GPR39: variants seen among roughly 807,000 people sequenced by gnomAD.
GPR39 encodes the protein G protein-coupled receptor 39, also known as zinc sensing receptor.
GPR39 carries 23 observed loss-of-function variants against 18.4 expected under a neutral mutation model. That is an observed-to-expected ratio of 1.25 (90% CI 0.90 to 1.77). GPR39 has a LOEUF of 1.77. Ranked by LOEUF, GPR39 falls within the 40% of genes most tolerant of loss-of-function variation. GPR39 has a pLI of 0.00. For missense variants in GPR39, 647 were observed against 602.4 expected (o/e 1.07, Z -0.78); for synonymous variants, 280 against 257.9 (o/e 1.09, Z -0.82).
chr2:132,432,516 C>T (rs1411520553), intron 1 of GPR39, among the ~76,000 whole-genome samples: 6 of 152,158 alleles, frequency 3.9e-5, no homozygotes, highest in African/African-American at 1.4e-4. Context: ...CTGATGAAAT[C>T]TAGGGCCTAC....
rs1679911463 is a variant in GPR39, at chr2:132,416,940, G to T, written c.-103G>T. 7.3e-7 allele frequency: 1 copy of T among 1,371,882 alleles called. No homozygotes were observed. Among genetic ancestry groups the T allele is most frequent in the African/African-American group, 1.4e-5 (1 of 69,302 alleles). 85.0% of individuals were successfully genotyped at this position (1,371,882 alleles called of 1,614,324 possible). A position where few individuals can be genotyped will look rare whatever the true frequency, so the allele number is the denominator to read the frequency against. On this transcript the variant is annotated 5_prime_UTR_variant, in exon 1 of 2. Coordinates refer to ENST00000329321, the MANE Select transcript of GPR39 (RefSeq NM_001508.3). ...GAGAACTCGAGTGAGATAAAATCGT[G>T]CGCCCACGCAGGTGAGTTTGCAGCC...
At chr2:132,606,631 A>G (rs1212073977) in intron 1 of GPR39, among the ~76,000 whole-genome samples, 1 of 152,238 alleles carries the variant, frequency 6.6e-6, no homozygotes, top group African/African-American at 2.4e-5. Flanking sequence ...GTGTTAGTTC[A>G]GTTAGATCCT....
intron 1 of GPR39, among the ~76,000 whole-genome samples, chr2:132,568,936 G>A (rs1680396148): frequency 6.6e-6 from 1 of 152,084 alleles, no homozygotes; most frequent in Non-Finnish European, 1.5e-5. Context: ...GAGGGCTTTG[G>A]GCAGTGAACG....
At chr2:132,577,503 T>C (rs1680550460) in intron 1 of GPR39, among the ~76,000 whole-genome samples, 2 of 152,178 alleles carry the variant, frequency 1.3e-5, no homozygotes, top group African/African-American at 4.8e-5. Context: ...CTGTACTATA[T>C]TGAGTCTTAT....
chr2:132,437,627 A>C (rs1174345020), intron 1 of GPR39, among the ~76,000 whole-genome samples: 1 of 152,268 alleles, frequency 6.6e-6, no homozygotes, highest in African/African-American at 2.4e-5. Flanking sequence ...GCCAGCCTCC[A>C]TGGGCTTCAG....
intron 1 of GPR39, among the ~76,000 whole-genome samples, chr2:132,558,946 C>T (rs1558839198): frequency 6.6e-6 from 1 of 152,124 alleles, no homozygotes; most frequent in Non-Finnish European, 1.5e-5. Flanking sequence ...TTATTAAGCA[C>T]TAACTGTGTG....
At chr2:132,632,536 CAGCTGGCTGGGG>C (rs1384112637) in intron 1 of GPR39, among the ~76,000 whole-genome samples, 1 of 152,150 alleles carries the variant, frequency 6.6e-6, no homozygotes, top group African/African-American at 2.4e-5. Flanking sequence ...CCAGACAAAG[CAGCTGGCTGGGG>C]CTGTGTGTTT....
rs773317683 is a variant in GPR39 at position 132,541,082 on chromosome 2, A to C, written c.857-104019A>C. ...AAGGAGACCTGGGCTTTTTCTTCTT[A>C]TTATTGTTATTATTTTTTTGAGATG... On this transcript the variant is annotated intron_variant, in intron 1 of 1. Transcript: ENST00000329321. Among the ~76,000 whole-genome samples, 14 of 151,524 alleles carry C rather than the reference A, an allele frequency of 9.2e-5. No individual in the cohort carries two copies. In the East Asian group the frequency reaches 2.0e-3, roughly 21 times the overall value.
intron 1 of GPR39, among the ~76,000 whole-genome samples, chr2:132,456,303 GC>G (rs1410642068): frequency 3.2e-5 from 1 of 31,398 alleles, no homozygotes; most frequent in Non-Finnish European, 7.1e-5. Flanking sequence ...TGCAACCCCT[GC>G]TTTTTTTTTT....
intron 1 of GPR39, among the ~76,000 whole-genome samples, chr2:132,586,596 G>A (rs979516063): frequency 9.2e-5 from 14 of 152,186 alleles, no homozygotes; most frequent in African/African-American, 3.4e-4. Flanking sequence ...ATAGAGATGG[G>A]TTAGGATGTA....
chr2:132,512,130 G>A (rs1679252984), intron 1 of GPR39, among the ~76,000 whole-genome samples: 1 of 152,194 alleles, frequency 6.6e-6, no homozygotes, highest in Non-Finnish European at 1.5e-5. Flanking sequence ...AGGGCTAAGA[G>A]TATAACTTGG....
chr2:132,558,524 C>G (rs1462084499), intron 1 of GPR39, among the ~76,000 whole-genome samples: 3 of 152,144 alleles, frequency 2.0e-5, no homozygotes, highest in African/African-American at 7.2e-5. Context: ...CTTTCTGACA[C>G]AATGTAACTG....
intron 1 of GPR39, among the ~76,000 whole-genome samples, chr2:132,599,132 G>T (rs766034843): frequency 6.6e-6 from 1 of 152,098 alleles, no homozygotes; most frequent in Middle Eastern, 3.4e-3. Flanking sequence ...AGTTATAAAG[G>T]GGGTGGAGGA....
chr2:132,462,671 A>G (rs1264201002), intron 1 of GPR39, among the ~76,000 whole-genome samples: 1 of 152,106 alleles, frequency 6.6e-6, no homozygotes, highest in Non-Finnish European at 1.5e-5. Context: ...GCTGTCTAAT[A>G]GTATAGAGTT....
At chr2:132,609,893 A>T (rs770362659) in intron 1 of GPR39, among the ~76,000 whole-genome samples, 1 of 152,048 alleles carries the variant, frequency 6.6e-6, no homozygotes, top group Non-Finnish European at 1.5e-5. Flanking sequence ...GTCACCTCTG[A>T]CTACAGCCAG....
intron 1 of GPR39, among the ~76,000 whole-genome samples, chr2:132,554,284 G>T (rs1434105992): frequency 2.0e-5 from 3 of 152,182 alleles, no homozygotes; most frequent in African/African-American, 7.2e-5. Flanking sequence ...TATGATGTTA[G>T]GCAAGCTGAT....
At position 132,645,512 on chromosome 2, in the gene GPR39, C is replaced by G. The variant is rs61757692; in HGVS notation, c.1268C>G (p.Ser423Cys). The G allele has an allele frequency of 2.3e-3, 3,687 of 1,612,956 alleles. 9 individuals are homozygous for G. Among genetic ancestry groups the G allele is most frequent in the Non-Finnish European group, 2.8e-3 (3,317 of 1,179,776 alleles). The change falls in exon 2 of 2, where the codon TCC (serine) becomes TGC (cysteine). Residue 423 changes from serine to cysteine, a missense_variant. Transcript: ENST00000329321. ...AGCGAGGCCGAGCCCCAGTCTAAGT[C>G]CCAGTCATTGAGTCTCGAGTCACTA... ...FQSEAEPQSK[S>C]QSLSLESLEP...
intron 1 of GPR39, among the ~76,000 whole-genome samples, chr2:132,571,759 A>T (rs1680444000): frequency 6.6e-6 from 1 of 152,160 alleles, no homozygotes; most frequent in South Asian, 2.1e-4. Context: ...AAGAGATTTC[A>T]GTCTCTTTGA....
intron 1 of GPR39, among the ~76,000 whole-genome samples, chr2:132,493,076 CAT>C (rs1284410338): frequency 6.8e-4 from 1 of 1,460 alleles, no homozygotes; most frequent in African/African-American, 7.5e-4. Context: ...ATATATACCA[CAT>C]ATATACCATA....
Sources: gnomAD v4.1 joint callset for allele counts (sites outside exome capture counted in the v4.1 genomes callset) on GRCh38, gnomAD v4.1.1 for gene constraint, MANE v1.5 for transcripts, NCBI Gene and HGNC (gene_info 2026-07-23, HGNC 2026-07-21) for gene names.